Variants in PLEKHG3 observed in about 807,000 individuals in gnomAD.
PLEKHG3 encodes pleckstrin homology and RhoGEF domain containing G3, also known as pleckstrin homology domain-containing family G member 3.
A neutral mutation model predicts 94.9 loss-of-function variants in PLEKHG3; 62 were observed. The ratio of observed to expected loss-of-function variants is 0.65; its 90% CI spans 0.53 to 0.81. The LOEUF (loss-of-function observed/expected upper bound fraction) is 0.81. Among genes scored for constraint, PLEKHG3 ranks in the 30% least tolerant of loss-of-function variants. The probability of loss-of-function intolerance (pLI) is 0.00; values close to 1 mark genes in which losing one functional copy is unlikely to be tolerated. For synonymous variants in PLEKHG3, 614 were observed against 654.0 expected (o/e 0.94, Z 0.93); for missense variants, 1,461 against 1,619.3 (o/e 0.90, Z 1.68).
chr14:64,719,825 A>C (rs1309866205), intron 1 of PLEKHG3, among the ~76,000 whole-genome samples: 1 of 152,192 alleles, frequency 6.6e-6, no homozygotes, highest in African/African-American at 2.4e-5. Context: ...AAGATGGCGA[A>C]TTTGCAGGGC....
Position 64,732,836 on chromosome 14 carries a change from T to C in PLEKHG3, c.1280T>C (p.Leu427Pro). The change falls in exon 12 of 17, where the codon CTG becomes CCG. Residue 427 changes from leucine (L) to proline (P), a missense_variant. By Grantham distance (98) the Leu-to-Pro change is moderately conservative (BLOSUM62 -3). Coordinates refer to ENST00000247226, the MANE Select transcript of PLEKHG3 (RefSeq NM_001308147.2). This position sits in a 1 kb window ranked among gnomAD's most constrained non-coding sequence, Gnocchi z 4.9. ...PNRYRCSPERLKKAWSSQDEV... is the reference protein window; with the variant it reads ...PNRYRCSPERPKKAWSSQDEV... The stretch of plus-strand genomic sequence containing the variant: ...CGGTACCGCTGCAGCCCAGAGCGGC[T>C]GAAGAAGGCTTGGTCCTCCCAGGAT... 1 of 1,610,824 alleles carries C rather than the reference T, an allele frequency of 6.2e-7. No homozygotes were observed. The highest frequency in any genetic ancestry group is 8.5e-7 in the Non-Finnish European group (1 of 1,178,974).
In PLEKHG3 at chr14:64,718,014, G is replaced by A. The variant is rs1042598200; in HGVS notation, c.-39-9579G>A. 3.3e-5 allele frequency among the ~76,000 whole-genome samples: 5 copies of A among 152,326 alleles called. No individual in the cohort carries two copies. The highest frequency in any genetic ancestry group is 7.2e-5 in the African/African-American group (3 of 41,574). ...CCTCTTGTTGCCAGTTGCCCGGGGC[G>A]TGGGGGTGGTCTGGGTCCTCTCGGG... On this transcript the variant is annotated intron_variant, in intron 1 of 16. Transcript: ENST00000247226. This position sits in a 1 kb window ranked among gnomAD's most constrained non-coding sequence, Gnocchi z 5.0.
chr14:64,738,614 T>C lies in PLEKHG3; in HGVS notation c.1405-128T>C. 1.4e-6 allele frequency: 1 copy of C among 706,580 alleles called. No homozygotes were observed. Among genetic ancestry groups the C allele is most frequent in the South Asian group, 1.7e-5 (1 of 57,314 alleles). 43.8% of individuals were successfully genotyped at this position (706,580 alleles called of 1,614,324 possible). A position where few individuals can be genotyped will look rare whatever the true frequency, so the allele number is the denominator to read the frequency against. ...CAGTTCAGGTTGGCTCTGGAATGGC[T>C]CAGGTCCAAGACTGGCTCTCAGCTC... On this transcript the variant is annotated intron_variant, in intron 14 of 16. Coordinates refer to ENST00000247226, the MANE Select transcript of PLEKHG3 (RefSeq NM_001308147.2). This position sits in a 1 kb window ranked among gnomAD's most constrained non-coding sequence, Gnocchi z 4.8.
chr14:64,743,333 G>C lies in PLEKHG3; in HGVS notation c.3290G>C (p.Arg1097Pro). ...CCACCTCTGTCGGGCAGGGTGGGCCGCTGCCGCAGCCTGAGCACCAAGAGG... is the reference window on the plus strand; with the variant it reads ...CCACCTCTGTCGGGCAGGGTGGGCCCCTGCCGCAGCCTGAGCACCAAGAGG... ...VEPPLSGRVG[R>P]CRSLSTKRGR... Residue 1097 changes from arginine to proline, a missense_variant, in exon 17 of 17, where the codon CGC becomes CCC. Physicochemically the swap from Arg to Pro is moderately radical, Grantham distance 103. Transcript: ENST00000247226. The surrounding 1 kb of genome is among the most constrained non-coding windows in gnomAD (Gnocchi z 7.2). 1 of 1,606,554 alleles carries C rather than the reference G, an allele frequency of 6.2e-7. No individual in the cohort carries two copies.
rs939607472 is a variant in PLEKHG3 at position 64,732,070 on chromosome 14, G to C, written c.1126-25G>C. On this transcript the variant is annotated intron_variant, in intron 9 of 16. Transcript: ENST00000247226. This position sits in a 1 kb window ranked among gnomAD's most constrained non-coding sequence, Gnocchi z 4.9. ...TCAGGCCTGTAATGATAACCACTGG[G>C]TCCCTTTCCCTTGGGTCCTCCCAGG... is the stretch of plus-strand genomic sequence containing the variant. The C allele has an allele frequency of 5.2e-6, 8 of 1,541,968 alleles. No homozygotes were observed. The African/African-American group carries it at 9.5e-5, about 18-fold the overall frequency.
At position 64,731,696 on chromosome 14, in the gene PLEKHG3, C is replaced by G. The variant is rs2081469356; in HGVS notation, c.1033-18C>G. 2 of 1,598,564 alleles carry G rather than the reference C, an allele frequency of 1.3e-6. No homozygotes were observed. The highest frequency in any genetic ancestry group is 2.7e-5 in the African/African-American group (2 of 74,582). On this transcript the variant is annotated intron_variant, in intron 8 of 16. Coordinates refer to ENST00000247226, the MANE Select transcript of PLEKHG3 (RefSeq NM_001308147.2). The surrounding 1 kb of genome is among the most constrained non-coding windows in gnomAD (Gnocchi z 6.1). The stretch of plus-strand genomic sequence containing the variant: ...GCTGTCAACCTTGTGCTTGACTGTC[C>G]TTTCCCTCTGCCCCTAGTGCTCCTC...
chr14:64,716,507 ACACACAC>A lies in PLEKHG3; in HGVS notation c.-39-11085_-39-11079del, dbSNP rs2081163045. 7.8e-6 allele frequency among the ~76,000 whole-genome samples: 1 copy of A among 128,852 alleles called. No homozygotes were observed. Among genetic ancestry groups the A allele is most frequent in the Admixed American group, 7.4e-5 (1 of 13,440 alleles). The allele number at this position is 128,852 out of a possible 152,430, so 84.5% of individuals were successfully genotyped here. A position where few individuals can be genotyped will look rare whatever the true frequency, so the allele number is the denominator to read the frequency against. On this transcript the variant is annotated intron_variant, in intron 1 of 16. Coordinates refer to ENST00000247226, the MANE Select transcript of PLEKHG3 (RefSeq NM_001308147.2). The surrounding 1 kb of genome is among the most constrained non-coding windows in gnomAD (Gnocchi z 5.0). Reference sequence around the variant, plus strand: ...ACACACACACACACAACACACACACACACACACACACACACACACACACACACACACA... The same window carrying A: ...ACACACACACACACAACACACACACAACACACACACACACACACACACACA...
chr14:64,736,981 G>C lies in PLEKHG3; in HGVS notation c.1384+90G>C, dbSNP rs575431956. On this transcript the variant is annotated intron_variant, in intron 13 of 16. Transcript: ENST00000247226. ...GCCGACAACCTGGGGTGTGACCTGA[G>C]GGTGGAGGATTGTCAGAATAGTGTA... 3.1e-6 allele frequency: 3 copies of C among 956,426 alleles called. No individual in the cohort carries two copies. In the Admixed American group the frequency reaches 5.3e-5, roughly 17 times the overall value. 59.2% of individuals were successfully genotyped at this position (956,426 alleles called of 1,614,324 possible).
Position 64,731,405 on chromosome 14 carries a change from C to T in PLEKHG3, c.894C>T (p.Thr298=), listed in dbSNP as rs199924378. ...LLINWKGPDL[T]TYGELVLEGT... ...TCAACTGGAAGGGGCCCGACCTGAC[C>T]ACCTACGGGGAGCTTGTCCTGGAGG... Residue 298 remains threonine, a synonymous_variant, in exon 8 of 17, where the codon ACC becomes ACT. Coordinates refer to ENST00000247226, the MANE Select transcript of PLEKHG3 (RefSeq NM_001308147.2). The surrounding 1 kb of genome is among the most constrained non-coding windows in gnomAD (Gnocchi z 6.1). The T allele has an allele frequency of 2.3e-5, 37 of 1,614,080 alleles. No individual in the cohort carries two copies. In the Admixed American group the frequency reaches 5.8e-4, roughly 25 times the overall value.
rs1291006165 is a variant in PLEKHG3, at chr14:64,741,329, C to T, written c.1812C>T (p.Val604=). The part of the protein sequence containing the change: ...LPPSVLDQAS[V]IAERFVSSFS... The stretch of plus-strand genomic sequence containing the variant: ...CCTCTGTGCTGGACCAGGCCAGCGT[C>T]ATTGCGGAGCGATTTGTCAGCAGCT... The change falls in exon 16 of 17, where the codon GTC becomes GTT. Residue 604 remains valine, a synonymous_variant. Transcript: ENST00000247226. The T allele has an allele frequency of 1.2e-6, 2 of 1,613,704 alleles. No homozygotes were observed. Among genetic ancestry groups the T allele is most frequent in the South Asian group, 2.2e-5 (2 of 91,070 alleles).
chr14:64,716,500 C>CACACACACACA lies in PLEKHG3; in HGVS notation c.-39-11092_-39-11082dup, dbSNP rs2081162064. On this transcript the variant is annotated intron_variant, in intron 1 of 16. Transcript: ENST00000247226. This position sits in a 1 kb window ranked among gnomAD's most constrained non-coding sequence, Gnocchi z 5.0. ...ACACACAACACACACACACACAACA[C>CACACACACACA]ACACACACACACACACACACACACA... 4.8e-5 allele frequency among the ~76,000 whole-genome samples: 5 copies of CACACACACACA among 104,400 alleles called. No homozygotes were observed. The South Asian group carries it at 1.4e-3, about 28-fold the overall frequency. 68.5% of individuals were successfully genotyped at this position (104,400 alleles called of 152,430 possible). A position where few individuals can be genotyped will look rare whatever the true frequency, so the allele number is the denominator to read the frequency against.
chr14:64,736,993 G>T, intron 13 of PLEKHG3, 102 bp downstream of exon 13: 1 of 889,594 alleles, frequency 1.1e-6, no homozygotes, highest in South Asian at 1.3e-5. Flanking sequence ...GTGGAGGATT[G>T]TCAGAATAGT....
rs2081698281 is a variant in PLEKHG3 at position 64,741,685 on chromosome 14, A to G, written c.2168A>G (p.Tyr723Cys). The change falls in exon 16 of 17, where the codon TAT (tyrosine) becomes TGT (cysteine). Residue 723 changes from tyrosine to cysteine, a missense_variant. Physicochemically the swap from Tyr to Cys is radical, Grantham distance 194. Transcript: ENST00000247226. ...DRLLLDKIKSYYENAEHHDAG... is the reference protein window; with the variant it reads ...DRLLLDKIKSCYENAEHHDAG... ...CTGTTGCTAGACAAGATTAAGAGCT[A>G]TTATGAAAATGCAGAACACCATGAT... The G allele has an allele frequency of 2.5e-6, 4 of 1,612,934 alleles. No individual in the cohort carries two copies. The highest frequency in any genetic ancestry group is 2.2e-5 in the East Asian group (1 of 44,894).
chr14:64,709,721 C>T (rs1276824736), intron 1 of PLEKHG3, among the ~76,000 whole-genome samples: 4 of 139,716 alleles, frequency 2.9e-5, no homozygotes, highest in Non-Finnish European at 6.1e-5. Flanking sequence ...ACTTCCTAGG[C>T]TGTGAGACTG....
rs2081216941 is a variant in PLEKHG3, at chr14:64,718,983, T to G, written c.-39-8610T>G. Among the ~76,000 whole-genome samples the G allele has an allele frequency of 6.6e-6, 1 of 152,192 alleles. No homozygotes were observed. The highest frequency in any genetic ancestry group is 2.1e-4 in the South Asian group (1 of 4,836). On this transcript the variant is annotated intron_variant, in intron 1 of 16. Transcript: ENST00000247226. The surrounding 1 kb of genome is among the most constrained non-coding windows in gnomAD (Gnocchi z 5.0). Reference sequence around the variant, plus strand: ...CAGTAGTACATGCCGTCTCTCCGTGTGGATCCCAGAGGAATGCGCCTCTGG... The same window carrying G: ...CAGTAGTACATGCCGTCTCTCCGTGGGGATCCCAGAGGAATGCGCCTCTGG...
Position 64,732,222 on chromosome 14 carries a change from G to A in PLEKHG3, c.1212+41G>A. On this transcript the variant is annotated intron_variant, in intron 10 of 16. Transcript: ENST00000247226. The surrounding 1 kb of genome is among the most constrained non-coding windows in gnomAD (Gnocchi z 4.9). ...TCCTGACTGTGTGCAAGGAGAATGTGCTCCTCTGAGCCAGCTCTGCAAGGT... is the reference window on the plus strand; with the variant it reads ...TCCTGACTGTGTGCAAGGAGAATGTACTCCTCTGAGCCAGCTCTGCAAGGT... The A allele has an allele frequency of 6.5e-7, 1 of 1,541,148 alleles. No homozygotes were observed. The highest frequency in any genetic ancestry group is 9.0e-7 in the Non-Finnish European group (1 of 1,113,558).
chr14:64,734,076 T>C (rs927820744), intron 12 of PLEKHG3, among the ~76,000 whole-genome samples: 1 of 152,176 alleles, frequency 6.6e-6, no homozygotes, highest in African/African-American at 2.4e-5. Context: ...AATGTGTGTG[T>C]GGATTGACAT....
chr14:64,738,966 CAG>C lies in PLEKHG3; in HGVS notation c.1518+115_1518+116del, dbSNP rs1303670225. The C allele has an allele frequency of 1.4e-6, 1 of 702,218 alleles. No homozygotes were observed. The highest frequency in any genetic ancestry group is 1.8e-5 in the African/African-American group (1 of 56,560). 43.5% of individuals were successfully genotyped at this position (702,218 alleles called of 1,614,324 possible). On this transcript the variant is annotated intron_variant, in intron 15 of 16. Coordinates refer to ENST00000247226, the MANE Select transcript of PLEKHG3 (RefSeq NM_001308147.2). The surrounding 1 kb of genome is among the most constrained non-coding windows in gnomAD (Gnocchi z 4.8). ...GGCTCTCCCACTGGGCCCATGGGAA[CAG>C]AGATTCCCCACCTCCCAGGACTCTC... is the stretch of plus-strand genomic sequence containing the variant.
rs1157361192 is a variant in PLEKHG3 at position 64,737,789 on chromosome 14, C to CA, written c.1404+414_1404+415insA. On this transcript the variant is annotated intron_variant, in intron 14 of 16. Transcript: ENST00000247226. Reference sequence around the variant, plus strand: ...TGGCTTTCTGTGTGAAGGCTCCCCCCCCGCAGCTGCCTGCAGGAGGACGGG... The same window carrying CA: ...TGGCTTTCTGTGTGAAGGCTCCCCCCACCGCAGCTGCCTGCAGGAGGACGGG... 7.6e-6 allele frequency: 6 copies of CA among 787,754 alleles called. No homozygotes were observed. The South Asian group carries it at 8.0e-5, about 10-fold the overall frequency. The allele number at this position is 787,754 out of a possible 1,614,324, so 48.8% of individuals were successfully genotyped here.
Sources: gnomAD v4.1 joint callset for allele counts (sites outside exome capture counted in the v4.1 genomes callset) on GRCh38, gnomAD v4.1.1 for gene constraint, Gnocchi (gnomAD v3.1) non-coding constraint, MANE v1.5 for transcripts, NCBI Gene and HGNC (gene_info 2026-07-23, HGNC 2026-07-21) for gene names.